NXPE4: variants seen among roughly 807,000 people sequenced by gnomAD.
NXPE4 encodes the protein NXPE family member 4.
In NXPE4, 42 loss-of-function variants were observed where a neutral mutation model predicts 33.3. That is an observed-to-expected ratio of 1.26 (90% CI 0.98 to 1.63). The LOEUF (loss-of-function observed/expected upper bound fraction) is 1.63, where lower values mean the gene tolerates loss of function less well. Ranked by LOEUF, NXPE4 falls within the 40% of genes most tolerant of loss-of-function variation. The pLI is 0.00. For synonymous variants in NXPE4, 253 were observed against 234.9 expected (o/e 1.08, Z -0.71); for missense variants, 709 against 647.6 (o/e 1.09, Z -1.03).
At chr11:114,638,654 C>T in the NXPE4 span, among the ~76,000 whole-genome samples, 1 of 152,010 alleles carries the variant, frequency 6.6e-6, no homozygotes, top group Non-Finnish European at 1.5e-5. Context: ...TGTGGATGTC[C>T]TTTCTGTTTG....
chr11:114,582,965 CT>C lies in NXPE4; in HGVS notation c.152del (p.Lys51SerfsTer9), dbSNP rs1281128489. 1.2e-6 allele frequency: 2 copies of C among 1,613,938 alleles called. No homozygotes were observed. Among genetic ancestry groups the C allele is most frequent in the Non-Finnish European group, 1.7e-6 (2 of 1,180,004 alleles). On this transcript the variant is annotated frameshift_variant, in exon 3 of 6. Transcript: ENST00000375478. LOFTEE classifies it high-confidence loss of function. ...ISLHYWNNST[K>X]SLFPKTPLIS... is the part of the protein sequence containing the mutation. The stretch of plus-strand genomic sequence containing the variant: ...TCAGTGGTGTTTTAGGGAATAAGGA[CT>C]TTGTGGAGTTGTTCCAGTAATGGAG...
At chr11:114,601,997 A>G in the NXPE4 span, among the ~76,000 whole-genome samples, 2 of 84,166 alleles carry the variant, frequency 2.4e-5, no homozygotes, top group Non-Finnish European at 4.1e-5. Context: ...TATATAATGT[A>G]TCTAATGTAT....
intron 2 of NXPE4, among the ~76,000 whole-genome samples, chr11:114,593,236 T>G (rs1240036413): frequency 6.6e-6 from 1 of 151,950 alleles, no homozygotes. Flanking sequence ...GAGTGAAGAG[T>G]TAACCTACAG....
At chr11:114,627,664 T>C in the NXPE4 span, among the ~76,000 whole-genome samples, 1 of 151,700 alleles carries the variant, frequency 6.6e-6, no homozygotes, top group Non-Finnish European at 1.5e-5. Flanking sequence ...AATTCACACA[T>C]AACAATATTA....
the NXPE4 span, among the ~76,000 whole-genome samples, chr11:114,634,055 T>C: frequency 6.6e-6 from 1 of 151,864 alleles, no homozygotes; most frequent in Non-Finnish European, 1.5e-5. Context: ...TCCACAATGA[T>C]TGAACTAGTT....
At chr11:114,608,024 A>T in the NXPE4 span, among the ~76,000 whole-genome samples, 1 of 151,870 alleles carries the variant, frequency 6.6e-6, no homozygotes, top group South Asian at 2.1e-4. Flanking sequence ...CAGGGAAACC[A>T]CTGTTACCTG....
the NXPE4 span, among the ~76,000 whole-genome samples, chr11:114,610,496 A>C: frequency 0.043 from 6,468 of 151,954 alleles, 462 homozygotes; most frequent in African/African-American, 0.15. Flanking sequence ...CCCAGTGGAT[A>C]ATAAGTGTTG....
the NXPE4 span, among the ~76,000 whole-genome samples, chr11:114,603,398 A>T: frequency 1.3e-3 from 124 of 97,206 alleles, no homozygotes; most frequent in South Asian, 2.0e-3. Flanking sequence ...CCTAGGTAAC[A>T]CCTATTACCT....
chr11:114,622,757 G>T, the NXPE4 span, among the ~76,000 whole-genome samples: 1 of 151,626 alleles, frequency 6.6e-6, no homozygotes. Flanking sequence ...CAGCGGATAA[G>T]TGTTGCCTCA....
chr11:114,638,317 G>T, the NXPE4 span, among the ~76,000 whole-genome samples: 1 of 151,868 alleles, frequency 6.6e-6, no homozygotes. Context: ...AGCTCCATCA[G>T]CTCCTTTAAG....
At chr11:114,663,626 T>A in the NXPE4 span, among the ~76,000 whole-genome samples, 1 of 55,560 alleles carries the variant, frequency 1.8e-5, no homozygotes, top group South Asian at 5.7e-4. Flanking sequence ...TCTATCTATC[T>A]ATCTATCTAT....
At chr11:114,645,395 G>A in the NXPE4 span, among the ~76,000 whole-genome samples, 38 of 152,190 alleles carry the variant, frequency 2.5e-4, no homozygotes, top group East Asian at 7.1e-3. Context: ...AGATTAATCT[G>A]AATGTGAAAA....
the NXPE4 span, among the ~76,000 whole-genome samples, chr11:114,619,091 A>G: frequency 6.6e-6 from 1 of 150,640 alleles, no homozygotes; most frequent in Admixed American, 6.6e-5. Flanking sequence ...ATCATGGGTA[A>G]CCACTGTTGC....
the NXPE4 span, among the ~76,000 whole-genome samples, chr11:114,617,236 G>A: frequency 8.6e-5 from 13 of 151,990 alleles, no homozygotes; most frequent in South Asian, 2.1e-4. Flanking sequence ...ATATTTCCTC[G>A]TGGGTAACCA....
At chr11:114,592,127 C>T (rs756661318) in intron 2 of NXPE4, among the ~76,000 whole-genome samples, 1 of 152,234 alleles carries the variant, frequency 6.6e-6, no homozygotes, top group East Asian at 1.9e-4. Context: ...TATTTTTGAA[C>T]ACTTTTTCCA....
chr11:114,628,101 G>C, the NXPE4 span, among the ~76,000 whole-genome samples: 7 of 147,896 alleles, frequency 4.7e-5, no homozygotes, highest in Non-Finnish European at 7.4e-5. Context: ...GTCAACATTA[G>C]ACAGATCAAT....
chr11:114,599,235 A>C (rs1006050294), upstream of NXPE4, among the ~76,000 whole-genome samples: 1 of 152,080 alleles, frequency 6.6e-6, no homozygotes, highest in African/African-American at 2.4e-5. Flanking sequence ...TCTTCACTAA[A>C]CCATAACAAA....
the NXPE4 span, among the ~76,000 whole-genome samples, chr11:114,630,314 C>T: frequency 3.2e-4 from 49 of 151,772 alleles, 2 homozygotes; most frequent in Admixed American, 2.6e-3. Flanking sequence ...GGTACTGGTA[C>T]CAAAATAGAG....
At chr11:114,626,576 A>G in the NXPE4 span, among the ~76,000 whole-genome samples, 1 of 152,184 alleles carries the variant, frequency 6.6e-6, no homozygotes, top group African/African-American at 2.4e-5. Flanking sequence ...TGGGGAAAAA[A>G]CAGAGCAGAA....
Sources: allele counts gnomAD v4.1 joint callset (sites outside exome capture counted in the v4.1 genomes callset), GRCh38; gene constraint gnomAD v4.1.1; transcripts MANE v1.5; gene names NCBI Gene and HGNC (gene_info 2026-07-23, HGNC 2026-07-21).